The following TMEM108 variants were observed in gnomAD, a reference collection of about 807,000 sequenced individuals.
TMEM108 encodes cancer/testis antigen 124.
A neutral mutation model predicts 35.1 loss-of-function variants in TMEM108; 12 were observed. The ratio of observed to expected loss-of-function variants is 0.34; its 90% CI spans 0.22 to 0.55. TMEM108 has a LOEUF of 0.55. Among genes scored for constraint, TMEM108 ranks in the 20% least tolerant of loss-of-function variants. The pLI is 0.89. For synonymous variants in TMEM108, 287 were observed against 308.6 expected (o/e 0.93, Z 0.73); for missense variants, 680 against 753.3 (o/e 0.90, Z 1.14).
At chr3:133,281,343 GA>G (rs1206346699) in intron 3 of TMEM108, among the ~76,000 whole-genome samples, 2 of 152,146 alleles carry the variant, frequency 1.3e-5, no homozygotes, top group Non-Finnish European at 2.9e-5. Context: ...AACCACTTTA[GA>G]AAAAATAGGG....
At chr3:133,199,956 C>T (rs916368301) in intron 2 of TMEM108, among the ~76,000 whole-genome samples, 21 of 152,176 alleles carry the variant, frequency 1.4e-4, no homozygotes, top group Admixed American at 1.3e-3. Flanking sequence ...CTACTCAAGC[C>T]TCAGCAATGG....
chr3:133,163,106 C>G (rs1944984568), intron 2 of TMEM108, among the ~76,000 whole-genome samples: 1 of 152,210 alleles, frequency 6.6e-6, no homozygotes, highest in Non-Finnish European at 1.5e-5. Flanking sequence ...AGTCTTGAGC[C>G]TCTCAGCTGC....
At chr3:133,210,959 A>G (rs955278899) in intron 2 of TMEM108, among the ~76,000 whole-genome samples, 1 of 152,200 alleles carries the variant, frequency 6.6e-6, no homozygotes, top group Non-Finnish European at 1.5e-5. Context: ...CCATCTTTAT[A>G]CTAGCTTAAG....
intron 2 of TMEM108, among the ~76,000 whole-genome samples, chr3:133,128,924 A>T (rs1223467407): frequency 6.6e-6 from 1 of 152,104 alleles, no homozygotes; most frequent in Non-Finnish European, 1.5e-5. Flanking sequence ...CTGCTCATAT[A>T]TTGAGGTTGT....
At chr3:133,094,240 C>CCCCCA (rs773837996) in intron 2 of TMEM108, among the ~76,000 whole-genome samples, 28 of 110,952 alleles carry the variant, frequency 2.5e-4, no homozygotes, top group Admixed American at 5.6e-4. Context: ...CCCACCCCCC[C>CCCCCA]CACACACACG....
chr3:133,154,052 A>T (rs1023942694), intron 2 of TMEM108, among the ~76,000 whole-genome samples: 57 of 152,076 alleles, frequency 3.7e-4, no homozygotes, highest in Non-Finnish European at 6.5e-4. Context: ...TTTAAAAAAA[A>T]ATTTTCATGT....
At chr3:133,091,292 A>G (rs1432820316) in intron 2 of TMEM108, among the ~76,000 whole-genome samples, 3 of 152,090 alleles carry the variant, frequency 2.0e-5, no homozygotes, top group Non-Finnish European at 2.9e-5. Context: ...TCCTCTTTAC[A>G]GGGATCTTCT....
chr3:133,267,893 T>C (rs1309397755), intron 3 of TMEM108, among the ~76,000 whole-genome samples: 1 of 152,190 alleles, frequency 6.6e-6, no homozygotes, highest in African/African-American at 2.4e-5. Context: ...CAAAATATCT[T>C]TTATGTAATA....
At chr3:133,147,726 A>T (rs1409046583) in intron 2 of TMEM108, among the ~76,000 whole-genome samples, 1 of 152,208 alleles carries the variant, frequency 6.6e-6, no homozygotes, top group Non-Finnish European at 1.5e-5. Flanking sequence ...CAATGACCAC[A>T]TCAGTATTTT....
chr3:133,387,317 T>G, intron 4 of TMEM108: 1 of 985,478 alleles, frequency 1.0e-6, no homozygotes, highest in Non-Finnish European at 1.2e-6. Flanking sequence ...AGTCACAATT[T>G]GAACCTAGGT....
At chr3:133,360,415 AGGG>A (rs1456388230) in intron 3 of TMEM108, among the ~76,000 whole-genome samples, 1 of 152,206 alleles carries the variant, frequency 6.6e-6, no homozygotes. Flanking sequence ...TGAAGGAGTA[AGGG>A]ATATTCAATA....
chr3:133,322,639 A>G (rs545945238), intron 3 of TMEM108, among the ~76,000 whole-genome samples: 2 of 152,324 alleles, frequency 1.3e-5, no homozygotes, highest in South Asian at 4.1e-4. Context: ...AAAGATAGAG[A>G]AACAGGGAAA....
Position 133,254,956 on chromosome 3 carries a change from T to A in TMEM108, c.40+25605T>A, listed in dbSNP as rs936057268. On this transcript the variant is annotated intron_variant, in intron 3 of 5. Transcript: ENST00000321871. Reference sequence around the variant, plus strand: ...ATGCTGGCTGTGAATGGGACCTTAGTTGGAGTTATCAACCACACACCCAAA... The same window carrying A: ...ATGCTGGCTGTGAATGGGACCTTAGATGGAGTTATCAACCACACACCCAAA... 2.0e-5 allele frequency among the ~76,000 whole-genome samples: 3 copies of A among 152,220 alleles called. No individual in the cohort carries two copies. The East Asian group carries it at 5.8e-4, about 29-fold the overall frequency.
At chr3:133,234,690 C>G (rs1946207238) in intron 3 of TMEM108, among the ~76,000 whole-genome samples, 1 of 152,052 alleles carries the variant, frequency 6.6e-6, no homozygotes, top group South Asian at 2.1e-4. Flanking sequence ...AAAACTGGCA[C>G]AAGACAAAGA....
At chr3:133,238,866 A>G (rs1167380310) in intron 3 of TMEM108, among the ~76,000 whole-genome samples, 1 of 152,208 alleles carries the variant, frequency 6.6e-6, no homozygotes, top group African/African-American at 2.4e-5. Context: ...TCATACAGAT[A>G]TTGCCATTCT....
intron 2 of TMEM108, among the ~76,000 whole-genome samples, chr3:133,065,772 A>G (rs1943599550): frequency 6.6e-6 from 1 of 152,232 alleles, no homozygotes; most frequent in Non-Finnish European, 1.5e-5. Context: ...CAATACCAGT[A>G]TGTGCCTATT....
intron 3 of TMEM108, among the ~76,000 whole-genome samples, chr3:133,293,549 T>C (rs1050858785): frequency 1.3e-5 from 2 of 151,946 alleles, no homozygotes; most frequent in Admixed American, 1.3e-4. Context: ...CGAGTGGATC[T>C]TAAGGATTCA....
At chr3:133,085,018 G>A (rs1333308319) in intron 2 of TMEM108, among the ~76,000 whole-genome samples, 3 of 152,156 alleles carry the variant, frequency 2.0e-5, no homozygotes, top group South Asian at 2.1e-4. Flanking sequence ...AGCACCTCGC[G>A]AGGCCTCATG....
intron 2 of TMEM108, among the ~76,000 whole-genome samples, chr3:133,204,547 A>G (rs1427504785): frequency 6.6e-6 from 1 of 151,946 alleles, no homozygotes; most frequent in Non-Finnish European, 1.5e-5. Context: ...TCTACCTTAA[A>G]TTTGTTATTT....
Sources: allele counts gnomAD v4.1 joint callset (sites outside exome capture counted in the v4.1 genomes callset), GRCh38; gene constraint gnomAD v4.1.1; transcripts MANE v1.5; gene names NCBI Gene and HGNC (gene_info 2026-07-23, HGNC 2026-07-21).